The following SBF2 variants were observed in gnomAD, a reference collection of about 807,000 sequenced individuals.
SBF2 encodes myotubularin-related protein 13.
A neutral mutation model predicts 225.2 loss-of-function variants in SBF2; 112 were observed. The ratio of observed to expected loss-of-function variants is 0.50; its 90% CI spans 0.43 to 0.58. The LOEUF (loss-of-function observed/expected upper bound fraction) is 0.58. Ranked by LOEUF, SBF2 falls within the 20% of genes least tolerant of loss-of-function variation. The pLI is 0.00. For missense variants in SBF2, 1,996 were observed against 2,206.2 expected (o/e 0.90, Z 1.91); for synonymous variants, 763 against 773.3 (o/e 0.99, Z 0.22).
At chr11:10,302,370 C>T (rs768500650) in intron 1 of SBF2, among the ~76,000 whole-genome samples, 1 of 152,254 alleles carries the variant, frequency 6.6e-6, no homozygotes, top group Non-Finnish European at 1.5e-5. Context: ...TGCGCGCTCG[C>T]GCACACACTC....
intron 6 of SBF2, among the ~76,000 whole-genome samples, chr11:10,007,017 G>T (rs1267825967): frequency 6.6e-6 from 1 of 152,194 alleles, no homozygotes; most frequent in Non-Finnish European, 1.5e-5. Flanking sequence ...ATGAAGGCTG[G>T]TCTCGGGTTA....
chr11:9,884,080 C>A (rs1860053730), intron 17 of SBF2, among the ~76,000 whole-genome samples: 1 of 152,186 alleles, frequency 6.6e-6, no homozygotes, highest in Admixed American at 6.5e-5. Flanking sequence ...TTGTTTTCAA[C>A]TACCCTTTGA....
intron 1 of SBF2, among the ~76,000 whole-genome samples, chr11:10,210,998 A>G (rs1159548854): frequency 2.9e-5 from 3 of 102,790 alleles, no homozygotes; most frequent in Non-Finnish European, 3.8e-5. Context: ...GGGCGACAAG[A>G]GCAAGACTCT....
At chr11:10,169,255 T>C (rs1427026875) in intron 2 of SBF2, among the ~76,000 whole-genome samples, 1 of 152,306 alleles carries the variant, frequency 6.6e-6, no homozygotes, top group East Asian at 1.9e-4. Context: ...TGTTGTGCTA[T>C]AAAACACTAA....
chr11:9,976,072 C>CCTTT, intron 13 of SBF2, among the ~76,000 whole-genome samples: 1 of 128,260 alleles, frequency 7.8e-6, no homozygotes, highest in African/African-American at 3.0e-5. Context: ...TCTTCTTCTT[C>CCTTT]TTTTTTTTTT....
chr11:10,211,896 T>C (rs940078540), intron 1 of SBF2, among the ~76,000 whole-genome samples: 1 of 152,204 alleles, frequency 6.6e-6, no homozygotes, highest in African/African-American at 2.4e-5. Context: ...GTTCTGTTTC[T>C]AGCAAAGAGA....
At chr11:10,158,384 C>T (rs1459058932) in intron 2 of SBF2, among the ~76,000 whole-genome samples, 1 of 151,816 alleles carries the variant, frequency 6.6e-6, no homozygotes, top group African/African-American at 2.4e-5. Context: ...AAAAAATCAA[C>T]AAAACTAAGA....
At chr11:10,223,940 T>C (rs962408904) in intron 1 of SBF2, among the ~76,000 whole-genome samples, 21 of 152,122 alleles carry the variant, frequency 1.4e-4, no homozygotes, top group African/African-American at 4.6e-4. Flanking sequence ...TATACTTCAG[T>C]ATATTTTATG....
At chr11:9,821,930 C>T (rs1280761808) in intron 28 of SBF2, among the ~76,000 whole-genome samples, 1 of 152,138 alleles carries the variant, frequency 6.6e-6, no homozygotes, top group Non-Finnish European at 1.5e-5. Context: ...AGGGCATATG[C>T]CTTCTATCTC....
chr11:9,965,787 A>G (rs191637213), intron 14 of SBF2, among the ~76,000 whole-genome samples: 1 of 152,330 alleles, frequency 6.6e-6, no homozygotes, highest in East Asian at 1.9e-4. Context: ...TTTTCTTCAA[A>G]TCATTTTTAA....
At chr11:10,115,380 T>C (rs1953084508) in intron 2 of SBF2, among the ~76,000 whole-genome samples, 1 of 152,190 alleles carries the variant, frequency 6.6e-6, no homozygotes. Context: ...ATCCTTTAAG[T>C]AAATTCAAAA....
At chr11:9,884,906 G>C (rs1860131571) in intron 17 of SBF2, among the ~76,000 whole-genome samples, 1 of 152,050 alleles carries the variant, frequency 6.6e-6, no homozygotes. Flanking sequence ...AACAATCTAA[G>C]GCAGTAAATC....
intron 16 of SBF2, among the ~76,000 whole-genome samples, chr11:9,918,585 T>G (rs1293313250): frequency 6.6e-6 from 1 of 152,142 alleles, no homozygotes; most frequent in East Asian, 1.9e-4. Context: ...TTGCACAGAC[T>G]GGTCTCAATT....
chr11:10,143,843 G>A (rs1483810556), intron 2 of SBF2, among the ~76,000 whole-genome samples: 2 of 151,766 alleles, frequency 1.3e-5, no homozygotes, highest in Non-Finnish European at 2.9e-5. Flanking sequence ...TCAGCCTCCC[G>A]AGTAGCTGGG....
chr11:10,192,609 C>G (rs570068495), intron 2 of SBF2, among the ~76,000 whole-genome samples: 1 of 152,258 alleles, frequency 6.6e-6, no homozygotes, highest in Admixed American at 6.5e-5. Flanking sequence ...ATTTTTTCCA[C>G]TTTATCTTTA....
At chr11:9,896,672 C>A (rs955940445) in intron 16 of SBF2, among the ~76,000 whole-genome samples, 3 of 151,848 alleles carry the variant, frequency 2.0e-5, no homozygotes, top group African/African-American at 7.3e-5. Context: ...GCCTGTAATC[C>A]CAGCTACTTG....
intron 2 of SBF2, among the ~76,000 whole-genome samples, chr11:10,093,434 GC>G (rs1259655226): frequency 1.3e-5 from 2 of 150,280 alleles, no homozygotes; most frequent in Admixed American, 1.3e-4. Flanking sequence ...AGAATAAGCT[GC>G]TTTAGATGTA....
At chr11:9,962,440 C>T (rs1431509170) in intron 15 of SBF2, among the ~76,000 whole-genome samples, 1 of 152,112 alleles carries the variant, frequency 6.6e-6, no homozygotes, top group Non-Finnish European at 1.5e-5. Context: ...ATACGTAAGA[C>T]ACCTTTCTAT....
At chr11:10,110,694 C>T (rs1952797084) in intron 2 of SBF2, among the ~76,000 whole-genome samples, 8 of 152,074 alleles carry the variant, frequency 5.3e-5, no homozygotes. Flanking sequence ...AAGAGTTCAA[C>T]TAACTAGAAA....
Sources: allele counts gnomAD v4.1 joint callset (sites outside exome capture counted in the v4.1 genomes callset), GRCh38; gene constraint gnomAD v4.1.1; transcripts MANE v1.5; gene names NCBI Gene and HGNC (gene_info 2026-07-23, HGNC 2026-07-21).